TRIM16: variants seen among roughly 807,000 people sequenced by gnomAD.
The protein encoded by TRIM16 is tripartite motif containing 16.
In TRIM16, 33 loss-of-function variants were observed where a neutral mutation model predicts 50.4. That is an observed-to-expected ratio of 0.65 (90% CI 0.50 to 0.88). The LOEUF is 0.88. Ranked by LOEUF, TRIM16 falls within the 40% of genes least tolerant of loss-of-function variation. The probability of loss-of-function intolerance (pLI) is 0.00; values close to 1 mark genes in which losing one functional copy is unlikely to be tolerated. For missense variants in TRIM16, 581 were observed against 686.8 expected, an observed-to-expected ratio of 0.85 and a Z score of 1.72; for synonymous variants, 229 against 270.7, an observed-to-expected ratio of 0.85 and a Z score of 1.51.
intron 6 of TRIM16, among the ~76,000 whole-genome samples, chr17:15,665,488 G>A (rs1047660345): frequency 7.2e-5 from 11 of 152,120 alleles, no homozygotes; most frequent in East Asian, 3.9e-4. Flanking sequence ...CAGCCTAGGC[G>A]AGAGTGCAAG....
At chr17:15,659,715 G>A (rs1988135699) in intron 6 of TRIM16, among the ~76,000 whole-genome samples, 1 of 152,244 alleles carries the variant, frequency 6.6e-6, no homozygotes, top group African/African-American at 2.4e-5. Context: ...CCCTGGGACA[G>A]GAGATGGTTT....
chr17:15,643,242 A>G (rs988204340), intron 7 of TRIM16: 1 of 152,782 alleles, frequency 6.5e-6, no homozygotes, highest in Non-Finnish European at 1.2e-5. Flanking sequence ...ATGGCTCATT[A>G]TAACTTCCTC....
At chr17:15,652,455 C>CG (rs570985967) in intron 6 of TRIM16, among the ~76,000 whole-genome samples, 2 of 65,396 alleles carry the variant, frequency 3.1e-5, no homozygotes, top group East Asian at 1.1e-3. Flanking sequence ...CGGTGCCCAC[C>CG]TTTTTTTTTT....
intron 6 of TRIM16, among the ~76,000 whole-genome samples, chr17:15,662,440 A>C (rs1394010685): frequency 6.6e-6 from 1 of 152,152 alleles, no homozygotes; most frequent in African/African-American, 2.4e-5. Flanking sequence ...TTCTTAGTTG[A>C]TACTCACCCA....
In TRIM16 at chr17:15,651,105, G is replaced by C; in HGVS notation, c.505C>G (p.Arg169Gly). The change falls in exon 7 of 12, where the codon CGC becomes GGC. Residue 169 changes from arginine (R) to glycine (G), a missense_variant. By Grantham distance (125) the Arg-to-Gly change is moderately radical. Around this residue, in one of 3 missense-constraint regions of TRIM16, gnomAD observed 450 missense variants for 544.3 expected, o/e 0.83. Transcript: ENST00000649191. ...CAAGCACTCACCTCCTTGTCCCTGCGGGCTGCATCCAGGGAGACTATGGTG... is the reference window on the plus strand; with the variant it reads ...CAAGCACTCACCTCCTTGTCCCTGCCGGCTGCATCCAGGGAGACTATGGTG... Reference protein sequence around the residue: ...GHTIVSLDAARRDKEAELQCT... With the variant: ...GHTIVSLDAAGRDKEAELQCT... 1 of 1,610,228 alleles carries C rather than the reference G, an allele frequency of 6.2e-7. No homozygotes were observed. Among genetic ancestry groups the C allele is most frequent in the South Asian group, 1.1e-5 (1 of 90,676 alleles).
intron 6 of TRIM16, among the ~76,000 whole-genome samples, chr17:15,666,685 G>C (rs2649448): frequency 7.2e-5 from 11 of 152,326 alleles, no homozygotes; most frequent in South Asian, 6.2e-4. Flanking sequence ...ATTGTGTCTG[G>C]CTTATTTCAC....
chr17:15,656,082 A>T (rs547152415), intron 6 of TRIM16, among the ~76,000 whole-genome samples: 1 of 152,120 alleles, frequency 6.6e-6, no homozygotes, highest in East Asian at 1.9e-4. Flanking sequence ...GCCCCTCTGG[A>T]GGCTCATCTT....
chr17:15,674,947 A>G (rs938284941), intron 6 of TRIM16, among the ~76,000 whole-genome samples: 2 of 151,866 alleles, frequency 1.3e-5, no homozygotes, highest in Non-Finnish European at 2.9e-5. Context: ...TGGTATTAGG[A>G]TATGTAATTA....
Position 15,651,701 on chromosome 17 carries a change from A to T in TRIM16, c.-92T>A, listed in dbSNP as rs1356998165. The T allele has an allele frequency of 6.5e-7, 1 of 1,545,948 alleles. No individual in the cohort carries two copies. Among genetic ancestry groups the T allele is most frequent in the African/African-American group, 1.4e-5 (1 of 73,184 alleles). ...CAGACAAGAGAACCACGCCTAGATG[A>T]TTGCAGCTGCTGCAAGATTTTAACT... On this transcript the variant is annotated 5_prime_UTR_variant, in exon 7 of 12. Coordinates refer to ENST00000649191, the MANE Select transcript of TRIM16 (RefSeq NM_001348119.1).
Position 15,641,072 on chromosome 17 carries a change from C to T in TRIM16, c.615+1649G>A, listed in dbSNP as rs555834482. Among the ~76,000 whole-genome samples, 27 of 148,540 alleles carry T rather than the reference C, an allele frequency of 1.8e-4. 2 individuals are homozygous for T. The highest frequency in any genetic ancestry group is 3.7e-4 in the Non-Finnish European group (25 of 67,076). The stretch of plus-strand genomic sequence containing the variant: ...CACCCCCGGCCCCAACTGAGGCCAT[C>T]CTGAGAAAGGATAGTGGAAGGGAGG... On this transcript the variant is annotated intron_variant, in intron 8 of 11. Transcript: ENST00000649191.
At chr17:15,660,427 T>G (rs559632506) in intron 6 of TRIM16, among the ~76,000 whole-genome samples, 92 of 152,166 alleles carry the variant, frequency 6.0e-4, no homozygotes, top group South Asian at 1.5e-3. Flanking sequence ...CAAATGGTTT[T>G]GATTTCCACC....
intron 6 of TRIM16, among the ~76,000 whole-genome samples, chr17:15,652,384 C>G (rs1987763063): frequency 6.7e-6 from 1 of 148,448 alleles, no homozygotes; most frequent in Middle Eastern, 3.4e-3. Context: ...TGGTCTTGAA[C>G]CCCTGATCTC....
intron 7 of TRIM16, among the ~76,000 whole-genome samples, chr17:15,646,894 C>A (rs1427903275): frequency 2.0e-5 from 3 of 152,130 alleles, no homozygotes; most frequent in Non-Finnish European, 2.9e-5. Flanking sequence ...AAAATACTTA[C>A]AGCCTGGGAG....
intron 6 of TRIM16, among the ~76,000 whole-genome samples, chr17:15,666,332 T>C (rs913337035): frequency 2.6e-5 from 4 of 152,224 alleles, no homozygotes; most frequent in African/African-American, 4.8e-5. Context: ...TCCTTTTGCC[T>C]TGGCCTCCCA....
At chr17:15,631,759 CAGG>C (rs764795564) in intron 10 of TRIM16, 45 bp from the exon 11 acceptor site, 1 of 1,593,808 alleles carries the variant, frequency 6.3e-7, no homozygotes, top group African/African-American at 1.3e-5. Context: ...TCCAGGTGGT[CAGG>C]AGAATCTGCA....
intron 6 of TRIM16, among the ~76,000 whole-genome samples, chr17:15,668,053 C>T (rs1289825075): frequency 1.3e-5 from 2 of 152,136 alleles, no homozygotes; most frequent in Admixed American, 6.5e-5. Context: ...TCCATGTACT[C>T]GTGTACGCTC....
chr17:15,657,822 G>GA (rs1200637566), intron 6 of TRIM16, among the ~76,000 whole-genome samples: 3 of 152,114 alleles, frequency 2.0e-5, no homozygotes, highest in Non-Finnish European at 2.9e-5. Flanking sequence ...ATGCCCCGTG[G>GA]AAAAAATGCC....
intron 9 of TRIM16, among the ~76,000 whole-genome samples, chr17:15,633,104 C>T (rs1986516247): frequency 6.6e-6 from 1 of 152,180 alleles, no homozygotes; most frequent in African/African-American, 2.4e-5. Context: ...TCAGTTTCAT[C>T]CAATGCATAA....
intron 7 of TRIM16, among the ~76,000 whole-genome samples, chr17:15,646,759 C>A (rs1987400700): frequency 6.6e-6 from 1 of 151,736 alleles, no homozygotes; most frequent in African/African-American, 2.4e-5. Context: ...ACAGGGTTAG[C>A]CTTTCTAGAG....
Sources: allele counts gnomAD v4.1 joint callset (sites outside exome capture counted in the v4.1 genomes callset), GRCh38; gene constraint gnomAD v4.1.1; regional missense constraint gnomAD v4.1.1; transcripts MANE v1.5; gene names NCBI Gene and HGNC (gene_info 2026-07-23, HGNC 2026-07-21).